The following NR1H4 variants were observed in gnomAD, a reference collection of about 807,000 sequenced individuals.
The protein encoded by NR1H4 is nuclear receptor subfamily 1 group H member 4, also known as bile acid receptor.
In NR1H4, 23 loss-of-function variants were observed where a neutral mutation model predicts 58.5. The ratio of observed to expected loss-of-function variants is 0.39; its 90% CI spans 0.28 to 0.56. NR1H4 has a LOEUF of 0.56. NR1H4 is among the 20% of genes least tolerant of loss of function. The pLI is 0.58. For missense variants in NR1H4, 487 were observed against 576.9 expected, an observed-to-expected ratio of 0.84 and a Z score of 1.60; for synonymous variants, 214 against 198.0, an observed-to-expected ratio of 1.08 and a Z score of -0.68.
intron 4 of NR1H4, among the ~76,000 whole-genome samples, chr12:100,514,495 CTTGT>C (rs1954213197): frequency 6.6e-6 from 1 of 152,092 alleles, no homozygotes; most frequent in Non-Finnish European, 1.5e-5. Context: ...GGGGGGATGT[CTTGT>C]ACATACTGTG....
At chr12:100,540,121 AGGTT>A (rs565824997) in intron 8 of NR1H4, among the ~76,000 whole-genome samples, 197 of 152,332 alleles carry the variant, frequency 1.3e-3, no homozygotes, top group Non-Finnish European at 2.2e-3. Context: ...ATATTCCATC[AGGTT>A]GGCAATTCTT....
At chr12:100,548,386 A>G (rs975948924) in intron 9 of NR1H4, among the ~76,000 whole-genome samples, 2 of 148,050 alleles carry the variant, frequency 1.4e-5, no homozygotes, top group African/African-American at 5.0e-5. Flanking sequence ...AAAAAAAAAA[A>G]GAATACCTCT....
intron 8 of NR1H4, among the ~76,000 whole-genome samples, chr12:100,540,128 C>T (rs1169224542): frequency 2.6e-5 from 4 of 152,104 alleles, no homozygotes; most frequent in Admixed American, 2.6e-4. Flanking sequence ...ATCAGGTTGG[C>T]AATTCTTACC....
chr12:100,507,382 A>T (rs369657400), intron 3 of NR1H4, among the ~76,000 whole-genome samples: 1 of 152,108 alleles, frequency 6.6e-6, no homozygotes, highest in Non-Finnish European at 1.5e-5. Context: ...TTTTGCGGTC[A>T]TAAGACAAGG....
intron 4 of NR1H4, among the ~76,000 whole-genome samples, chr12:100,531,414 C>T (rs1954689366): frequency 2.0e-5 from 3 of 152,108 alleles, no homozygotes; most frequent in Admixed American, 2.0e-4. Flanking sequence ...GAGATTGTGC[C>T]ACTGCACTCC....
chr12:100,544,818 G>T lies in NR1H4; in HGVS notation c.1078+4000G>T, dbSNP rs969566187. Among the ~76,000 whole-genome samples the T allele has an allele frequency of 2.6e-5, 4 of 152,100 alleles. 1 individual carries two copies. The highest frequency in any genetic ancestry group is 5.9e-5 in the Non-Finnish European group (4 of 68,004). On this transcript the variant is annotated intron_variant, in intron 9 of 10. Coordinates refer to ENST00000392986, the MANE Select transcript of NR1H4 (RefSeq NM_001206979.2). ...GCTAACAAGTAACCAACAAAAAGTT[G>T]GTTAAACATTCTTCTAGACATTGCC...
chr12:100,561,315 G>A (rs575072031), intron 9 of NR1H4, among the ~76,000 whole-genome samples: 2 of 152,058 alleles, frequency 1.3e-5, no homozygotes, highest in South Asian at 2.1e-4. Context: ...GGAGAATGGC[G>A]GGAACCCGGG....
At chr12:100,561,755 AAT>A in intron 9 of NR1H4, 128 bp from the exon 10 acceptor site, 1 of 624,052 alleles carries the variant, frequency 1.6e-6, no homozygotes, top group Non-Finnish European at 2.9e-6. Flanking sequence ...TAATAAAAAT[AAT>A]ATAGTCATTA....
At chr12:100,487,856 C>T (rs111348696) in intron 1 of NR1H4, among the ~76,000 whole-genome samples, 113 of 152,112 alleles carry the variant, frequency 7.4e-4, no homozygotes, top group African/African-American at 2.6e-3. Context: ...AAGTGATCCG[C>T]CTGTCTCAGC....
At chr12:100,546,845 C>A (rs987213581) in intron 9 of NR1H4, among the ~76,000 whole-genome samples, 4 of 152,156 alleles carry the variant, frequency 2.6e-5, no homozygotes, top group African/African-American at 9.7e-5. Context: ...TCAATATGAT[C>A]ATTTCCTTAG....
At chr12:100,512,838 G>C (rs893524652) in intron 4 of NR1H4, among the ~76,000 whole-genome samples, 2 of 152,172 alleles carry the variant, frequency 1.3e-5, no homozygotes, top group Non-Finnish European at 2.9e-5. Flanking sequence ...GTGACACACT[G>C]GGGTTCCCTG....
chr12:100,549,942 C>T (rs1044947117), intron 9 of NR1H4, among the ~76,000 whole-genome samples: 1 of 152,124 alleles, frequency 6.6e-6, no homozygotes, highest in Non-Finnish European at 1.5e-5. Flanking sequence ...TACAATCATT[C>T]TTATTTCTAT....
intron 1 of NR1H4, among the ~76,000 whole-genome samples, chr12:100,475,159 A>ATCTATCTATCTATCTATCT (rs1555330004): frequency 3.2e-4 from 47 of 147,856 alleles, no homozygotes; most frequent in African/African-American, 1.1e-3. Context: ...CTATCTATCT[A>ATCTATCTATCTATCTATCT]AATTTTTTTT....
intron 3 of NR1H4, among the ~76,000 whole-genome samples, chr12:100,506,157 C>T (rs895017703): frequency 1.3e-4 from 20 of 152,052 alleles, no homozygotes; most frequent in African/African-American, 4.1e-4. Context: ...TATTAACTAT[C>T]AATTAACTAT....
chr12:100,526,897 A>G (rs1445593727), intron 4 of NR1H4, among the ~76,000 whole-genome samples: 6 of 152,210 alleles, frequency 3.9e-5, no homozygotes, highest in South Asian at 2.1e-4. Context: ...CAAAAATCCT[A>G]TGTGAGAGTT....
intron 4 of NR1H4, among the ~76,000 whole-genome samples, chr12:100,516,948 A>T (rs1422292037): frequency 6.6e-6 from 1 of 152,192 alleles, no homozygotes; most frequent in Admixed American, 6.5e-5. Context: ...GGGGTACAAC[A>T]TGTTTTCATA....
chr12:100,509,205 T>G (rs1363982060), intron 3 of NR1H4, among the ~76,000 whole-genome samples: 2 of 152,232 alleles, frequency 1.3e-5, no homozygotes, highest in African/African-American at 4.8e-5. Context: ...AATCCCACTG[T>G]TCATAAGAGA....
chr12:100,561,760 A>G (rs1843458209), intron 9 of NR1H4, 125 bp from the exon 10 acceptor site: 2 of 629,786 alleles, frequency 3.2e-6, no homozygotes, highest in Admixed American at 5.3e-5. Context: ...AAAATAATAT[A>G]GTCATTATTT....
intron 3 of NR1H4, among the ~76,000 whole-genome samples, chr12:100,501,800 T>C (rs1953841042): frequency 6.6e-6 from 1 of 152,192 alleles, no homozygotes; most frequent in African/African-American, 2.4e-5. Flanking sequence ...ATTATCTATG[T>C]TTTACCATCT....
Sources: allele counts gnomAD v4.1 joint callset (sites outside exome capture counted in the v4.1 genomes callset), GRCh38; gene constraint gnomAD v4.1.1; transcripts MANE v1.5; gene names NCBI Gene and HGNC (gene_info 2026-07-23, HGNC 2026-07-21).